MEGF6: variants seen among roughly 807,000 people sequenced by gnomAD.
MEGF6 encodes the protein multiple epidermal growth factor-like domains protein 6.
Under a neutral mutation model 207.1 loss-of-function variants are expected in MEGF6, and 184 were observed. The ratio of observed to expected loss-of-function variants is 0.89; its 90% CI spans 0.79 to 1.00. MEGF6 has a LOEUF of 1.00. Among genes scored for constraint, MEGF6 ranks in the 50% least tolerant of loss-of-function variants. MEGF6 has a pLI of 0.00. For missense variants in MEGF6, 2,282 were observed against 2,202.9 expected (o/e 1.04, Z -0.72); for synonymous variants, 1,038 against 910.0 (o/e 1.14, Z -2.53).
At chr1:3,570,178 A>G (rs747744256) in intron 4 of MEGF6, among the ~76,000 whole-genome samples, 5 of 152,028 alleles carry the variant, frequency 3.3e-5, no homozygotes, top group Non-Finnish European at 7.4e-5. Context: ...GTCCCAGCCG[A>G]CTGTCACGCA....
upstream of MEGF6, among the ~76,000 whole-genome samples, chr1:3,613,580 A>C (rs1644353909): frequency 6.6e-6 from 1 of 152,180 alleles, no homozygotes; most frequent in Non-Finnish European, 1.5e-5. Flanking sequence ...CTGTTTGAGA[A>C]CATTCTCCAG....
intron 2 of MEGF6, among the ~76,000 whole-genome samples, chr1:3,601,792 C>A (rs1476121876): frequency 1.3e-5 from 2 of 152,256 alleles, no homozygotes; most frequent in African/African-American, 4.8e-5. Flanking sequence ...GCAGGTACAG[C>A]AGGTGCAGGT....
At chr1:3,498,602 G>A in intron 25 of MEGF6, 96 bp downstream of exon 25, 1 of 1,482,962 alleles carries the variant, frequency 6.7e-7, no homozygotes, top group South Asian at 1.3e-5. Flanking sequence ...TACACCCCAG[G>A]GCGCTGCCCC....
chr1:3,545,691 A>G (rs987561031), intron 4 of MEGF6, among the ~76,000 whole-genome samples: 1 of 152,166 alleles, frequency 6.6e-6, no homozygotes, highest in Non-Finnish European at 1.5e-5. Context: ...CCAAGGCAAG[A>G]GCCAGAATGG....
chr1:3,531,261 C>A, intron 4 of MEGF6: 1 of 1,368,770 alleles, frequency 7.3e-7, no homozygotes, highest in Non-Finnish European at 9.4e-7. Flanking sequence ...GGTAGGCCGG[C>A]GGGCGGGAGG....
At chr1:3,537,337 G>A (rs1642363703) in intron 4 of MEGF6, among the ~76,000 whole-genome samples, 1 of 152,272 alleles carries the variant, frequency 6.6e-6, no homozygotes, top group Admixed American at 6.5e-5. Flanking sequence ...GGGGGGTTGA[G>A]GGTATGAGAG....
chr1:3,569,099 G>GC (rs1643427579), intron 4 of MEGF6, among the ~76,000 whole-genome samples: 3 of 152,184 alleles, frequency 2.0e-5, no homozygotes, highest in Admixed American at 1.3e-4. Flanking sequence ...GGGAGCTCCT[G>GC]CAGCCGACTC....
intron 4 of MEGF6, among the ~76,000 whole-genome samples, chr1:3,563,916 T>C (rs1424311694): frequency 6.6e-6 from 1 of 151,988 alleles, no homozygotes; most frequent in East Asian, 1.9e-4. Flanking sequence ...CCCAAGGCAA[T>C]AGCAAAACCC....
intron 6 of MEGF6, among the ~76,000 whole-genome samples, chr1:3,515,138 G>C (rs72853531): frequency 4.1e-4 from 62 of 152,118 alleles, no homozygotes; most frequent in Admixed American, 3.3e-4. Flanking sequence ...CCCTTTCCAC[G>C]CAAGCAGCCC....
Position 3,611,295 on chromosome 1 carries a change from T to G in MEGF6, c.-27A>C. ...GTGCGCGCCGGTGCCTCCTCCGCTC[T>G]CCGGCTCACAGGCGGCCCCGGCGGC... On this transcript the variant is annotated 5_prime_UTR_variant, in exon 1 of 37. Coordinates refer to ENST00000356575, the MANE Select transcript of MEGF6 (RefSeq NM_001409.4). 1 of 1,427,204 alleles carries G rather than the reference T, an allele frequency of 7.0e-7. No individual in the cohort carries two copies. The highest frequency in any genetic ancestry group is 9.1e-7 in the Non-Finnish European group (1 of 1,096,798). 88.4% of individuals were successfully genotyped at this position (1,427,204 alleles called of 1,614,324 possible). A position where few individuals can be genotyped will look rare whatever the true frequency, so the allele number is the denominator to read the frequency against.
Position 3,594,762 on chromosome 1 carries a change from G to A in MEGF6, c.376+576C>T, listed in dbSNP as rs577076029. Among the ~76,000 whole-genome samples the A allele has an allele frequency of 1.3e-5, 2 of 152,316 alleles. No individual in the cohort carries two copies. The highest frequency in any genetic ancestry group is 4.8e-5 in the African/African-American group (2 of 41,562). On this transcript the variant is annotated intron_variant, in intron 3 of 36. Transcript: ENST00000356575. This position sits in a 1 kb window ranked among gnomAD's most constrained non-coding sequence, Gnocchi z 4.2. The stretch of plus-strand genomic sequence containing the variant: ...CTCAGACCACCCAATTCCAGTCCTG[G>A]GCCCCCATCTCTGAGCCCCAGCACA...
At chr1:3,494,888 C>T in intron 30 of MEGF6, 147 bp from the exon 31 acceptor site, 1 of 1,244,876 alleles carries the variant, frequency 8.0e-7, no homozygotes, top group Non-Finnish European at 1.1e-6. Context: ...GGGCACATGC[C>T]AGGGAGTGGC....
At chr1:3,524,846 C>T (rs1003512917) in intron 4 of MEGF6, among the ~76,000 whole-genome samples, 17 of 152,108 alleles carry the variant, frequency 1.1e-4, no homozygotes, top group Non-Finnish European at 1.6e-4. Flanking sequence ...AAATCCAATG[C>T]GCCTATCCCA....
At chr1:3,540,191 G>T (rs558575150) in intron 4 of MEGF6, among the ~76,000 whole-genome samples, 13 of 152,320 alleles carry the variant, frequency 8.5e-5, no homozygotes, top group Admixed American at 6.5e-4. Context: ...TTATTTTCCC[G>T]GCTTGGCCTT....
At chr1:3,499,554 G>T (rs1640760698) in intron 23 of MEGF6, 34 bp downstream of exon 23, 4 of 1,556,052 alleles carry the variant, frequency 2.6e-6, no homozygotes, top group Non-Finnish European at 3.5e-6. Context: ...ACCCCCTCCT[G>T]CAGCACCCCG....
At chr1:3,551,951 G>C (rs1177237590) in intron 4 of MEGF6, among the ~76,000 whole-genome samples, 1 of 152,156 alleles carries the variant, frequency 6.6e-6, no homozygotes, top group Non-Finnish European at 1.5e-5. Context: ...GCCTTGCTGG[G>C]TGCCCAGGTG....
At chr1:3,569,810 C>G (rs556526096) in intron 4 of MEGF6, among the ~76,000 whole-genome samples, 6 of 152,226 alleles carry the variant, frequency 3.9e-5, no homozygotes, top group Admixed American at 1.3e-4. Flanking sequence ...CCCCACCCCA[C>G]AATGCCTGGG....
Position 3,506,160 on chromosome 1 carries a change from G to C in MEGF6, c.1866C>G (p.Leu622=), listed in dbSNP as rs1241651939. 1 of 1,595,712 alleles carries C rather than the reference G, an allele frequency of 6.3e-7. No individual in the cohort carries two copies. The highest frequency in any genetic ancestry group is 8.5e-7 in the Non-Finnish European group (1 of 1,170,876). The change falls in exon 15 of 37, where the codon CTC becomes CTG. Residue 622 remains leucine (L), a synonymous_variant. Transcript: ENST00000356575. ...NCANRGRCHR[L]YGACLCDPGL... is the part of the protein sequence containing the mutation. Reference sequence around the variant, plus strand: ...CTGGGTCGCAGAGGCAGGCCCCGTAGAGGCGGTGGCACCGGCCCCGGTTGG... The same window carrying C: ...CTGGGTCGCAGAGGCAGGCCCCGTACAGGCGGTGGCACCGGCCCCGGTTGG...
At position 3,556,104 on chromosome 1, in the gene MEGF6, C is replaced by T. The variant is rs116672880; in HGVS notation, c.481+23721G>A. On this transcript the variant is annotated intron_variant, in intron 4 of 36. Coordinates refer to ENST00000356575, the MANE Select transcript of MEGF6 (RefSeq NM_001409.4). The surrounding 1 kb of genome is among the most constrained non-coding windows in gnomAD (Gnocchi z 4.4). The stretch of plus-strand genomic sequence containing the variant: ...GGTTCAGAGACCTTGGGGGTGGGCT[C>T]CACCTGTTACAGCAGGAGTGGCCTT... 4.6e-3 allele frequency among the ~76,000 whole-genome samples: 703 copies of T among 152,338 alleles called. 5 individuals are homozygous for T. Among genetic ancestry groups the T allele is most frequent in the African/African-American group, 0.016 (669 of 41,578 alleles).
Sources: allele counts gnomAD v4.1 joint callset (sites outside exome capture counted in the v4.1 genomes callset), GRCh38; gene constraint gnomAD v4.1.1; non-coding constraint Gnocchi (gnomAD v3.1); transcripts MANE v1.5; gene names NCBI Gene and HGNC (gene_info 2026-07-23, HGNC 2026-07-21).